Variants in PLA2G4E observed in about 807,000 individuals in gnomAD.
PLA2G4E encodes the protein phospholipase A2 group IVE.
PLA2G4E carries 84 observed loss-of-function variants against 109.1 expected under a neutral mutation model. The ratio of observed to expected loss-of-function variants is 0.77; its 90% confidence interval spans 0.65 to 0.92. PLA2G4E has a LOEUF of 0.92. Ranked by LOEUF, PLA2G4E falls within the 40% of genes least tolerant of loss-of-function variation. The pLI is 0.00. For missense variants in PLA2G4E, 1,057 were observed against 1,076.6 expected (o/e 0.98, Z 0.25); for synonymous variants, 469 against 436.1 (o/e 1.08, Z -0.94).
intron 1 of PLA2G4E, chr15:42,050,499 C>T: frequency 6.5e-7 from 1 of 1,544,718 alleles, no homozygotes; most frequent in Non-Finnish European, 8.7e-7. Flanking sequence ...ACCAGACCCC[C>T]CTCCCAGGAA....
At chr15:42,029,181 T>C (rs890055921) in intron 1 of PLA2G4E, among the ~76,000 whole-genome samples, 22 of 152,182 alleles carry the variant, frequency 1.4e-4, no homozygotes, top group African/African-American at 5.1e-4. Flanking sequence ...AACCTCTGCT[T>C]CCCAAGCTCA....
intron 1 of PLA2G4E, among the ~76,000 whole-genome samples, chr15:42,046,761 A>C (rs1889423449): frequency 6.6e-6 from 1 of 152,220 alleles, no homozygotes; most frequent in Non-Finnish European, 1.5e-5. Context: ...GAATGAAAAA[A>C]TGCTTTGGAT....
chr15:42,049,154 T>C (rs1302899863), intron 1 of PLA2G4E, among the ~76,000 whole-genome samples: 1 of 152,108 alleles, frequency 6.6e-6, no homozygotes. Flanking sequence ...AGATGAGCTC[T>C]TGTGGGAATG....
chr15:41,987,710 G>A (rs952131670), intron 16 of PLA2G4E, among the ~76,000 whole-genome samples: 1 of 152,134 alleles, frequency 6.6e-6, no homozygotes, highest in African/African-American at 2.4e-5. Context: ...TCCAGGCCTT[G>A]GCGCTGGTGT....
chr15:42,019,992 G>A (rs994509401), intron 1 of PLA2G4E, among the ~76,000 whole-genome samples: 1 of 152,204 alleles, frequency 6.6e-6, no homozygotes, highest in Admixed American at 6.5e-5. Context: ...CAAAAAGATT[G>A]GCAGGAACAA....
At chr15:42,027,133 C>T (rs868128332) in intron 1 of PLA2G4E, among the ~76,000 whole-genome samples, 5 of 152,194 alleles carry the variant, frequency 3.3e-5, no homozygotes, top group Non-Finnish European at 7.4e-5. Context: ...AAGCAACACA[C>T]GAGACGCACG....
intron 1 of PLA2G4E, among the ~76,000 whole-genome samples, chr15:42,028,743 A>G (rs1262764329): frequency 6.6e-6 from 1 of 152,218 alleles, no homozygotes; most frequent in Non-Finnish European, 1.5e-5. Flanking sequence ...CTATGTGCCT[A>G]TGTTTCTTGA....
At position 42,002,699 on chromosome 15, in the gene PLA2G4E, G is replaced by A. The variant is rs1463014322; in HGVS notation, c.567-3C>T. 1 of 1,576,312 alleles carries A rather than the reference G, an allele frequency of 6.3e-7. No homozygotes were observed. The stretch of plus-strand genomic sequence containing the variant: ...CGAGGGTCTCAGGTGGAGAGGGACT[G>A]AAAAACAAAAGGAGAACTCCTGGTC... On this transcript the variant is annotated splice_polypyrimidine_tract_variant and splice_region_variant and intron_variant, in intron 5 of 19. Coordinates refer to ENST00000399518, the Ensembl canonical transcript of PLA2G4E.
intron 1 of PLA2G4E, chr15:42,050,417 A>G: frequency 7.5e-7 from 1 of 1,339,670 alleles, no homozygotes; most frequent in Non-Finnish European, 1.0e-6. Flanking sequence ...AACAAAAACC[A>G]CAACCTCTTA....
chr15:41,990,351 G>C (rs575718364), intron 13 of PLA2G4E, 116 bp from the exon 14 acceptor site: 9 of 899,224 alleles, frequency 1.0e-5, no homozygotes, highest in African/African-American at 9.9e-5. Context: ...TGAGCTCACC[G>C]GGCTGCTGTA....
intron 15 of PLA2G4E, 116 bp downstream of exon 15, chr15:41,989,299 C>G (rs766388296): frequency 2.8e-6 from 4 of 1,436,914 alleles, no homozygotes; most frequent in Non-Finnish European, 3.8e-6. Flanking sequence ...GGGACCACTC[C>G]TAGGATGAGA....
intron 11 of PLA2G4E, 21 bp from the exon 12 acceptor site, chr15:41,995,517 G>A (rs748944131): frequency 3.1e-6 from 5 of 1,609,412 alleles, no homozygotes; most frequent in Admixed American, 1.7e-5. Flanking sequence ...ACAGAGGCAG[G>A]CGGTTGGGGA....
At chr15:42,049,651 G>A (rs529501594) in intron 1 of PLA2G4E, among the ~76,000 whole-genome samples, 129 of 152,310 alleles carry the variant, frequency 8.5e-4, no homozygotes, top group Non-Finnish European at 1.5e-3. Context: ...CAGATAGAAG[G>A]AGGCAGAGAC....
chr15:42,012,771 C>T (rs544744942), intron 2 of PLA2G4E, among the ~76,000 whole-genome samples: 89 of 152,340 alleles, frequency 5.8e-4, no homozygotes, highest in African/African-American at 2.1e-3. Context: ...AATCTCAGGG[C>T]TCTGTGTCTT....
At chr15:42,013,217 C>A (rs918707907) in intron 2 of PLA2G4E, among the ~76,000 whole-genome samples, 13 of 152,316 alleles carry the variant, frequency 8.5e-5, no homozygotes, top group African/African-American at 2.9e-4. Context: ...AGATCTTTGT[C>A]TTGAGAAGGG....
Position 41,995,512 on chromosome 15 carries a change from G to A in PLA2G4E, c.1111-16C>T. 1 of 1,610,182 alleles carries A rather than the reference G, an allele frequency of 6.2e-7. No homozygotes were observed. Among genetic ancestry groups the A allele is most frequent in the Middle Eastern group, 1.7e-4 (1 of 6,050 alleles). On this transcript the variant is annotated splice_polypyrimidine_tract_variant and intron_variant, in intron 11 of 19. Coordinates refer to ENST00000399518, the Ensembl canonical transcript of PLA2G4E. ...TCAGCGGCACCTGGGGTTACACAGA[G>A]GCAGGCGGTTGGGGAAGGCTCCAGA...
chr15:42,010,144 C>CCCCT (rs59057790), intron 2 of PLA2G4E: 1 of 484,368 alleles, frequency 2.1e-6, no homozygotes, highest in African/African-American at 2.1e-5. Context: ...CCCCCCACCC[C>CCCCT]GGGCCTGGAC....
intron 1 of PLA2G4E, among the ~76,000 whole-genome samples, chr15:42,043,427 C>T (rs1889352406): frequency 2.0e-5 from 3 of 151,776 alleles, no homozygotes; most frequent in Admixed American, 2.0e-4. Flanking sequence ...CGGCCTTTCT[C>T]AGAACCAGCC....
intron 2 of PLA2G4E, among the ~76,000 whole-genome samples, chr15:42,008,333 G>T (rs2068498403): frequency 6.6e-6 from 1 of 152,210 alleles, no homozygotes; most frequent in Non-Finnish European, 1.5e-5. Context: ...CTGTGAGTCG[G>T]CCAAGAGGAA....
Sources: allele counts gnomAD v4.1 joint callset (sites outside exome capture counted in the v4.1 genomes callset), GRCh38; gene constraint gnomAD v4.1.1; transcripts MANE v1.5; gene names NCBI Gene and HGNC (gene_info 2026-07-23, HGNC 2026-07-21).